SLC26A8: variants seen among roughly 807,000 people sequenced by gnomAD.
SLC26A8 encodes the protein solute carrier family 26 member 8.
In SLC26A8, 70 loss-of-function variants were observed where a neutral mutation model predicts 105.0. The observed-to-expected ratio is 0.67, with a 90% CI of 0.55 to 0.81. SLC26A8 has a LOEUF of 0.81. Ranked by LOEUF, SLC26A8 falls within the 40% of genes least tolerant of loss-of-function variation. SLC26A8 has a pLI of 0.00. For missense variants in SLC26A8, 998 were observed against 1,181.8 expected (o/e 0.84, Z 2.28); for synonymous variants, 415 against 438.3 (o/e 0.95, Z 0.66).
intron 2 of SLC26A8, among the ~76,000 whole-genome samples, chr6:36,013,663 A>G (rs868085688): frequency 6.6e-6 from 1 of 152,178 alleles, no homozygotes; most frequent in Non-Finnish European, 1.5e-5. Context: ...ATCAACCAAG[A>G]AAACCAATTT....
intron 4 of SLC26A8, 148 bp downstream of exon 4, chr6:35,999,844 A>C (rs1396135217): frequency 1.8e-6 from 1 of 560,178 alleles, no homozygotes; most frequent in Non-Finnish European, 3.2e-6. Flanking sequence ...TTATTTCTAC[A>C]ATCTGAACAC....
chr6:35,981,672 A>T lies in SLC26A8; in HGVS notation c.1025+449T>A, dbSNP rs936681077. ...GTCTCAAAAATAAATAAATAAATAT[A>T]TAAATAAATAAAACAGGGCATCTAT... On this transcript the variant is annotated intron_variant, in intron 8 of 19. Coordinates refer to ENST00000490799, the MANE Select transcript of SLC26A8 (RefSeq NM_052961.4). The surrounding 1 kb of genome is among the most constrained non-coding windows in gnomAD (Gnocchi z 4.0). Among the ~76,000 whole-genome samples the T allele has an allele frequency of 1.3e-5, 2 of 152,074 alleles. No homozygotes were observed. Among genetic ancestry groups the T allele is most frequent in the Non-Finnish European group, 2.9e-5 (2 of 68,016 alleles).
chr6:35,957,180 C>G (rs760075339), intron 16 of SLC26A8, among the ~76,000 whole-genome samples: 1 of 152,044 alleles, frequency 6.6e-6, no homozygotes, highest in African/African-American at 2.4e-5. Flanking sequence ...CAAGGTCGCA[C>G]CATCCCACTC....
rs143379344 is a variant in SLC26A8, at chr6:35,959,723, C to T, written c.1722G>A (p.Leu574=). 51 of 1,607,966 alleles carry T rather than the reference C, an allele frequency of 3.2e-5. No homozygotes were observed. The highest frequency in any genetic ancestry group is 3.6e-5 in the Non-Finnish European group (42 of 1,178,644). ...FVNVYYLKHK[L]LKEVDMVKVP... ...GCAGGAGGGCAGATACCTCTTTTAA[C>T]AGCTTATGCTTTAGGTAGTAAACAT... Residue 574 remains leucine (L), a synonymous_variant, in exon 15 of 20, where the codon CTG becomes CTA. Transcript: ENST00000490799.
chr6:35,973,699 T>C (rs1212062488), intron 10 of SLC26A8, among the ~76,000 whole-genome samples: 1 of 152,198 alleles, frequency 6.6e-6, no homozygotes, highest in Non-Finnish European at 1.5e-5. Flanking sequence ...CTGCCTAATC[T>C]TTCTGACTTG....
At chr6:36,021,120 T>C (rs1347410108) in intron 1 of SLC26A8, among the ~76,000 whole-genome samples, 1 of 152,220 alleles carries the variant, frequency 6.6e-6, no homozygotes, top group Non-Finnish European at 1.5e-5. Context: ...ATTGTATTTT[T>C]ACCCTCAAAG....
intron 10 of SLC26A8, chr6:35,969,932 A>C (rs1263314152): frequency 1.3e-5 from 2 of 152,226 alleles, no homozygotes; most frequent in Non-Finnish European, 2.9e-5. Context: ...AGTGATTCTC[A>C]CTTGTCAAAA....
rs1773294076 is a variant in SLC26A8, at chr6:35,982,136, T to C, written c.1010A>G (p.Asp337Gly). ...AATTACTGACCTATAAGGAATCATG[T>C]CAATAAGCGTCTGGCTGGTTTCTGT... ...MATETSQTLIDMIPYSFLLPV... is the reference protein window; with the variant it reads ...MATETSQTLIGMIPYSFLLPV... The change falls in exon 8 of 20, where the codon GAC becomes GGC. Residue 337 changes from aspartate (D) to glycine (G), a missense_variant. By Grantham distance (94) the Asp-to-Gly change is moderately conservative (BLOSUM62 -1). Coordinates refer to ENST00000490799, the MANE Select transcript of SLC26A8 (RefSeq NM_052961.4). The C allele has an allele frequency of 6.2e-7, 1 of 1,614,182 alleles. No individual in the cohort carries two copies. The highest frequency in any genetic ancestry group is 2.2e-5 in the East Asian group (1 of 44,890).
At chr6:35,976,555 T>G (rs1445676726) in intron 9 of SLC26A8, among the ~76,000 whole-genome samples, 1 of 138,434 alleles carries the variant, frequency 7.2e-6, no homozygotes, top group East Asian at 2.1e-4. Context: ...CCTCGCTTTT[T>G]TTTTTTTTTT....
chr6:35,997,125 C>T (rs770990371), intron 5 of SLC26A8, among the ~76,000 whole-genome samples: 2 of 151,976 alleles, frequency 1.3e-5, no homozygotes, highest in Non-Finnish European at 2.9e-5. Context: ...CTGGGGCCAC[C>T]GACCAGTACT....
intron 19 of SLC26A8, among the ~76,000 whole-genome samples, chr6:35,948,953 A>T (rs1387527118): frequency 6.6e-6 from 1 of 152,186 alleles, no homozygotes; most frequent in Non-Finnish European, 1.5e-5. Flanking sequence ...CTGAGAGAAG[A>T]TGGAAGAAGC....
rs1226841794 is a variant in SLC26A8, at chr6:35,955,147, C to T, written c.2232+5G>A. 9 of 1,614,064 alleles carry T rather than the reference C, an allele frequency of 5.6e-6. 1 individual carries two copies. In the South Asian group the frequency reaches 7.7e-5, roughly 14 times the overall value. On this transcript the variant is annotated splice_donor_5th_base_variant and intron_variant, in intron 17 of 19. Coordinates refer to ENST00000490799, the MANE Select transcript of SLC26A8 (RefSeq NM_052961.4). The stretch of plus-strand genomic sequence containing the variant: ...AGCTCCTGCCAAGGCCTCCTCAGTA[C>T]TTACCTGTCTTAATACGACTAACCC...
At chr6:35,946,322 C>T (rs1278186379) in intron 19 of SLC26A8, among the ~76,000 whole-genome samples, 7 of 152,116 alleles carry the variant, frequency 4.6e-5, no homozygotes, top group African/African-American at 1.4e-4. Context: ...CTGCAACTTC[C>T]GCCTCCCAGG....
intron 8 of SLC26A8, among the ~76,000 whole-genome samples, chr6:35,979,932 C>G (rs187733757): frequency 6.6e-6 from 1 of 152,276 alleles, no homozygotes; most frequent in East Asian, 1.9e-4. Context: ...AACTTTGAAT[C>G]TTATAAGAGA....
intron 3 of SLC26A8, among the ~76,000 whole-genome samples, chr6:36,000,954 G>T (rs1761503134): frequency 6.6e-6 from 1 of 152,056 alleles, no homozygotes; most frequent in Non-Finnish European, 1.5e-5. Context: ...CAAATCCAAG[G>T]CATTCGATTA....
chr6:35,992,656 C>G lies in SLC26A8; in HGVS notation c.646G>C (p.Gly216Arg), dbSNP rs376657760. The change falls in exon 6 of 20, where the codon GGT (glycine) becomes CGT (arginine). Residue 216 changes from glycine to arginine, a missense_variant. Transcript: ENST00000490799. ...GIIQLIMGVL[G>R]LGFIATYLPE... ...AGGTAAGTGGCAATGAAGCCCAAAC[C>G]CAATACGCCCATTATTAGCTGCAGA... is the stretch of plus-strand genomic sequence containing the variant. The G allele has an allele frequency of 3.7e-6, 6 of 1,610,860 alleles. No individual in the cohort carries two copies. The highest frequency in any genetic ancestry group is 5.1e-6 in the Non-Finnish European group (6 of 1,178,892).
intron 6 of SLC26A8, 42 bp from the exon 7 acceptor site, chr6:35,991,850 G>A (rs757598870): frequency 1.2e-5 from 18 of 1,513,958 alleles, no homozygotes; most frequent in Non-Finnish European, 1.6e-5. Flanking sequence ...AAGGGATGTA[G>A]TAATTGCCTA....
chr6:35,955,648 G>C, intron 16 of SLC26A8, 128 bp from the exon 17 acceptor site: 1 of 1,212,920 alleles, frequency 8.2e-7, no homozygotes. Context: ...CCGAGAGTAG[G>C]TACTGTGCAT....
chr6:35,963,293 C>T (rs575357086), intron 11 of SLC26A8, among the ~76,000 whole-genome samples: 2 of 152,240 alleles, frequency 1.3e-5, no homozygotes, highest in African/African-American at 2.4e-5. Context: ...ACAAACTTCC[C>T]TAATATCTCA....
Sources: gnomAD v4.1 joint callset for allele counts (sites outside exome capture counted in the v4.1 genomes callset) on GRCh38, gnomAD v4.1.1 for gene constraint, Gnocchi (gnomAD v3.1) non-coding constraint, MANE v1.5 for transcripts, NCBI Gene and HGNC (gene_info 2026-07-23, HGNC 2026-07-21) for gene names.